LRRC75A: variants seen among roughly 807,000 people sequenced by gnomAD.
LRRC75A encodes the protein leucine rich repeat containing 75A, also known as leucine-rich repeat-containing protein 75A.
LRRC75A carries 12 observed loss-of-function variants against 26.0 expected under a neutral mutation model. That is an observed-to-expected ratio of 0.46 (90% CI 0.30 to 0.75). The LOEUF is 0.75. LRRC75A is among the 30% of genes least tolerant of loss of function. The pLI, the probability that LRRC75A is intolerant of heterozygous loss-of-function variation, is 0.08. For synonymous variants in LRRC75A, 223 were observed against 219.3 expected, an observed-to-expected ratio of 1.02 and a Z score of -0.15; for missense variants, 410 against 486.6, an observed-to-expected ratio of 0.84 and a Z score of 1.48.
In LRRC75A at chr17:16,447,976, T is replaced by G; in HGVS notation, c.376-16A>C. 1 of 1,548,680 alleles carries G rather than the reference T, an allele frequency of 6.5e-7. No homozygotes were observed. The highest frequency in any genetic ancestry group is 8.7e-7 in the Non-Finnish European group (1 of 1,145,092). ...CATCGCCTTCCTGCAGAGGCAACCA[T>G]GGGTGGTAGGGCCCTGAGTGGCTGG... On this transcript the variant is annotated splice_polypyrimidine_tract_variant and intron_variant, in intron 2 of 3. Transcript: ENST00000470794.
rs149161629 is a variant in LRRC75A, at chr17:16,476,704, T to C, written c.247-14318A>G. ...CCTCAGTCTTTCGAGTAGCTGAGAT[T>C]ACAGGTGCCCGTCACCATGCCTGGC... On this transcript the variant is annotated intron_variant, in intron 1 of 3. Coordinates refer to ENST00000470794, the MANE Select transcript of LRRC75A (RefSeq NM_001113567.3). 1.7e-3 allele frequency among the ~76,000 whole-genome samples: 249 copies of C among 150,456 alleles called. 1 individual carries two copies. The highest frequency in any genetic ancestry group is 2.7e-3 in the Non-Finnish European group (185 of 67,760).
intron 1 of LRRC75A, among the ~76,000 whole-genome samples, chr17:16,466,554 G>C (rs1381774408): frequency 1.3e-5 from 2 of 152,160 alleles, no homozygotes; most frequent in Non-Finnish European, 2.9e-5. Flanking sequence ...TGTGCCTGTG[G>C]ACAGTTCCTC....
intron 1 of LRRC75A, among the ~76,000 whole-genome samples, chr17:16,467,026 C>T (rs752486727): frequency 2.0e-5 from 3 of 152,124 alleles, no homozygotes; most frequent in Non-Finnish European, 4.4e-5. Context: ...GTCTGATAGC[C>T]GTCTTCTAGA....
At chr17:16,476,126 C>T (rs760043205) in intron 1 of LRRC75A, among the ~76,000 whole-genome samples, 11 of 151,904 alleles carry the variant, frequency 7.2e-5, no homozygotes, top group Non-Finnish European at 1.5e-4. Context: ...ATCCGGGAGG[C>T]GGAGCTTGCA....
At chr17:16,479,811 G>A (rs1323860620) in intron 1 of LRRC75A, among the ~76,000 whole-genome samples, 2 of 152,218 alleles carry the variant, frequency 1.3e-5, no homozygotes, top group African/African-American at 4.8e-5. Flanking sequence ...TCATTGTCAT[G>A]ACCACCACCA....
intron 2 of LRRC75A, among the ~76,000 whole-genome samples, chr17:16,458,070 C>G (rs1180702539): frequency 2.0e-5 from 3 of 152,130 alleles, no homozygotes; most frequent in African/African-American, 7.2e-5. Context: ...TTTGGAAGGC[C>G]AAGGTGGGTG....
intron 1 of LRRC75A, among the ~76,000 whole-genome samples, chr17:16,485,890 CT>C (rs140944243): frequency 0.14 from 20,681 of 152,034 alleles, 1,608 homozygotes; most frequent in Middle Eastern, 0.24. Context: ...CAAGGAGTCT[CT>C]CCCCTGCAGA....
chr17:16,467,581 T>C (rs762069209), intron 1 of LRRC75A, among the ~76,000 whole-genome samples: 58 of 152,254 alleles, frequency 3.8e-4, no homozygotes, highest in Non-Finnish European at 6.9e-4. Flanking sequence ...TTCATGTTGA[T>C]GACACACCTG....
At chr17:16,473,159 G>A (rs1192886913) in intron 1 of LRRC75A, among the ~76,000 whole-genome samples, 2 of 151,958 alleles carry the variant, frequency 1.3e-5, no homozygotes, top group South Asian at 2.1e-4. Context: ...GTGCGCGCGC[G>A]CCCCAAGAAT....
At chr17:16,479,623 CCTGA>C (rs756348347) in intron 1 of LRRC75A, among the ~76,000 whole-genome samples, 1 of 152,208 alleles carries the variant, frequency 6.6e-6, no homozygotes, top group Non-Finnish European at 1.5e-5. Flanking sequence ...CCTTGAGTGA[CCTGA>C]CTCAGTCACT....
At position 16,443,950 on chromosome 17, in the gene LRRC75A, C is replaced by T. The variant is rs2093557130; in HGVS notation, c.673G>A (p.Ala225Thr). ...TDDMVLQLLP[A>T]LSTLPRLTTL... is the part of the protein sequence containing the mutation. ...GTGAGGCGGGGCAGGGTGCTGAGTGCTGGCAGCAGCTGCAGGACCATGTCG... is the reference window on the plus strand; with the variant it reads ...GTGAGGCGGGGCAGGGTGCTGAGTGTTGGCAGCAGCTGCAGGACCATGTCG... Residue 225 changes from alanine (A) to threonine (T), a missense_variant, in exon 4 of 4, where the codon GCA (alanine) becomes ACA (threonine). Physicochemically the swap from Ala to Thr is moderately conservative, Grantham distance 58. Transcript: ENST00000470794. 1 of 1,613,182 alleles carries T rather than the reference C, an allele frequency of 6.2e-7. No individual in the cohort carries two copies. The highest frequency in any genetic ancestry group is 8.5e-7 in the Non-Finnish European group (1 of 1,179,976).
intron 1 of LRRC75A, among the ~76,000 whole-genome samples, chr17:16,475,733 A>T (rs72833973): frequency 0.067 from 10,134 of 152,090 alleles, 385 homozygotes; most frequent in East Asian, 0.12. Context: ...CTACCACACC[A>T]GCTAATTAAA....
chr17:16,473,038 G>C (rs934835225), intron 1 of LRRC75A, among the ~76,000 whole-genome samples: 3 of 152,070 alleles, frequency 2.0e-5, no homozygotes, highest in African/African-American at 7.2e-5. Flanking sequence ...AATGAAATTG[G>C]TATGTTAAAT....
intron 2 of LRRC75A, among the ~76,000 whole-genome samples, chr17:16,448,632 G>A (rs2093606269): frequency 6.6e-6 from 1 of 152,198 alleles, no homozygotes; most frequent in Non-Finnish European, 1.5e-5. Flanking sequence ...TTGGAATGCA[G>A]CTGTATTTGG....
chr17:16,485,780 G>T (rs1443945246), intron 1 of LRRC75A, among the ~76,000 whole-genome samples: 2 of 152,062 alleles, frequency 1.3e-5, no homozygotes, highest in East Asian at 1.9e-4. Flanking sequence ...GCTGGCTGAG[G>T]ATCCCCACAC....
intron 2 of LRRC75A, among the ~76,000 whole-genome samples, chr17:16,451,175 G>A (rs1446874088): frequency 6.6e-6 from 1 of 152,180 alleles, no homozygotes; most frequent in Admixed American, 6.5e-5. Flanking sequence ...GACTCCATCA[G>A]AGCAGCAGGA....
At chr17:16,466,264 G>A (rs545418322) in intron 1 of LRRC75A, among the ~76,000 whole-genome samples, 2 of 152,328 alleles carry the variant, frequency 1.3e-5, no homozygotes, top group African/African-American at 4.8e-5. Context: ...AGGTGTCTCA[G>A]GAGGCTGCAG....
chr17:16,459,935 A>G (rs1363474309), intron 2 of LRRC75A, among the ~76,000 whole-genome samples: 1 of 152,208 alleles, frequency 6.6e-6, no homozygotes, highest in Admixed American at 6.5e-5. Context: ...AGGAAAACAA[A>G]GTCCAGGTGT....
At chr17:16,460,602 G>A (rs1030315820) in intron 2 of LRRC75A, among the ~76,000 whole-genome samples, 1 of 152,322 alleles carries the variant, frequency 6.6e-6, no homozygotes, top group Non-Finnish European at 1.5e-5. Flanking sequence ...AGGGACCACC[G>A]GCCTGTGTCC....
Sources: allele counts gnomAD v4.1 joint callset (sites outside exome capture counted in the v4.1 genomes callset), GRCh38; gene constraint gnomAD v4.1.1; transcripts MANE v1.5; gene names NCBI Gene and HGNC (gene_info 2026-07-23, HGNC 2026-07-21).